The following TCF12 variants were observed in gnomAD, a reference collection of about 807,000 sequenced individuals.
TCF12 encodes DNA-binding protein HTF4.
In TCF12, 45 loss-of-function variants were observed where a neutral mutation model predicts 86.0. The observed-to-expected ratio is 0.52, with a 90% confidence interval of 0.41 to 0.67. The LOEUF is 0.67. Among genes scored for constraint, TCF12 ranks in the 30% least tolerant of loss-of-function variants. The pLI is 0.00. For missense variants in TCF12, 881 were observed against 859.9 expected, an observed-to-expected ratio of 1.02 and a Z score of -0.31; for synonymous variants, 330 against 299.6, an observed-to-expected ratio of 1.10 and a Z score of -1.05.
intron 7 of TCF12, among the ~76,000 whole-genome samples, chr15:57,194,635 C>T (rs972054323): frequency 5.9e-5 from 9 of 152,028 alleles, no homozygotes. Context: ...ATCTAATTAC[C>T]CAATTTATAA....
intron 5 of TCF12, among the ~76,000 whole-genome samples, chr15:57,096,523 A>G (rs1271776301): frequency 6.6e-6 from 1 of 152,120 alleles, no homozygotes; most frequent in African/African-American, 2.4e-5. Flanking sequence ...TCCCTTATAT[A>G]TATATATAAA....
intron 4 of TCF12, among the ~76,000 whole-genome samples, chr15:57,071,282 C>A (rs189350309): frequency 6.6e-6 from 1 of 150,584 alleles, no homozygotes; most frequent in East Asian, 1.9e-4. Context: ...TCTGGTGGTG[C>A]GCACCTGTGG....
chr15:56,988,185 A>G (rs2063283829), intron 3 of TCF12, among the ~76,000 whole-genome samples: 1 of 152,200 alleles, frequency 6.6e-6, no homozygotes, highest in Non-Finnish European at 1.5e-5. Context: ...AAATATAGTC[A>G]TGTGTCACTT....
At chr15:57,061,138 A>G (rs919066324) in intron 3 of TCF12, among the ~76,000 whole-genome samples, 1 of 152,136 alleles carries the variant, frequency 6.6e-6, no homozygotes, top group Admixed American at 6.5e-5. Context: ...ATTTTATTTC[A>G]TTAGTCTTTG....
intron 8 of TCF12, among the ~76,000 whole-genome samples, chr15:57,202,177 A>G (rs1018712818): frequency 1.3e-5 from 2 of 152,166 alleles, no homozygotes; most frequent in Non-Finnish European, 2.9e-5. Context: ...AAAATCACAC[A>G]TAGGGCCAAG....
intron 3 of TCF12, among the ~76,000 whole-genome samples, chr15:57,062,808 A>G (rs192313217): frequency 2.0e-5 from 3 of 152,336 alleles, no homozygotes; most frequent in East Asian, 1.9e-4. Context: ...TTCTCATGAA[A>G]GAATGAAAGA....
chr15:56,952,271 A>G (rs1298421482), intron 3 of TCF12, among the ~76,000 whole-genome samples: 4 of 150,380 alleles, frequency 2.7e-5, no homozygotes, highest in African/African-American at 4.9e-5. Context: ...TTTTTATGTA[A>G]TATCATACTT....
At chr15:57,091,315 T>A (rs1208299188) in intron 4 of TCF12, among the ~76,000 whole-genome samples, 1 of 152,194 alleles carries the variant, frequency 6.6e-6, no homozygotes, top group Non-Finnish European at 1.5e-5. Flanking sequence ...CCTAACGCTT[T>A]ATTTTTAGGG....
chr15:57,208,052 A>G (rs116845702), intron 8 of TCF12, among the ~76,000 whole-genome samples: 5,966 of 148,636 alleles, frequency 0.04, 367 homozygotes, highest in Admixed American at 0.17. Context: ...TTTTTTTTTA[A>G]AGACAGAGTA....
At chr15:57,134,889 T>G (rs940138547) in intron 5 of TCF12, among the ~76,000 whole-genome samples, 5 of 87,108 alleles carry the variant, frequency 5.7e-5, no homozygotes, top group African/African-American at 2.0e-4. Context: ...GTTTTTGTGT[T>G]TTTTTTTTTT....
intron 8 of TCF12, among the ~76,000 whole-genome samples, chr15:57,230,519 A>G (rs1176465521): frequency 3.3e-5 from 5 of 152,048 alleles, no homozygotes; most frequent in Non-Finnish European, 5.9e-5. Flanking sequence ...AGGGTTTATC[A>G]AAGGAAATTA....
chr15:56,949,613 G>A (rs1263485118), intron 3 of TCF12, among the ~76,000 whole-genome samples: 3 of 152,178 alleles, frequency 2.0e-5, no homozygotes, highest in Non-Finnish European at 2.9e-5. Flanking sequence ...AAAGAGTTGA[G>A]CTGTAAGCTT....
At chr15:57,077,517 C>G (rs1238779041) in intron 4 of TCF12, among the ~76,000 whole-genome samples, 1 of 150,498 alleles carries the variant, frequency 6.6e-6, no homozygotes, top group Admixed American at 6.6e-5. Flanking sequence ...CTAAATGTTT[C>G]ATAATTTTTG....
intron 3 of TCF12, among the ~76,000 whole-genome samples, chr15:56,942,911 G>A (rs776862612): frequency 2.0e-5 from 3 of 152,114 alleles, no homozygotes; most frequent in Non-Finnish European, 4.4e-5. Flanking sequence ...GGAAGAAAGT[G>A]TCAAATTTAA....
chr15:57,103,080 A>C (rs1380358712), intron 5 of TCF12, among the ~76,000 whole-genome samples: 1 of 152,200 alleles, frequency 6.6e-6, no homozygotes, highest in Non-Finnish European at 1.5e-5. Flanking sequence ...CTGTCGAGGG[A>C]ATCTATAATG....
At chr15:57,101,439 G>A (rs2049741817) in intron 5 of TCF12, among the ~76,000 whole-genome samples, 1 of 152,136 alleles carries the variant, frequency 6.6e-6, no homozygotes. Context: ...CGAACTCTTA[G>A]GTTCAAGCGA....
At chr15:56,954,635 G>T (rs2061423171) in intron 3 of TCF12, among the ~76,000 whole-genome samples, 2 of 152,074 alleles carry the variant, frequency 1.3e-5, no homozygotes, top group African/African-American at 4.8e-5. Context: ...TGAACAGGCA[G>T]CCTACAAAAT....
chr15:57,262,825 A>T (rs940757811), intron 17 of TCF12, among the ~76,000 whole-genome samples: 3 of 152,208 alleles, frequency 2.0e-5, no homozygotes, highest in Non-Finnish European at 4.4e-5. Flanking sequence ...TCTAAAATAC[A>T]TAGTTTCTCA....
At chr15:56,988,529 A>T (rs557674567) in intron 3 of TCF12, among the ~76,000 whole-genome samples, 10 of 152,152 alleles carry the variant, frequency 6.6e-5, no homozygotes, top group Non-Finnish European at 1.2e-4. Flanking sequence ...CTGTTTAGTG[A>T]CTGTCAACAA....
Sources: gnomAD v4.1 joint callset for allele counts (sites outside exome capture counted in the v4.1 genomes callset) on GRCh38, gnomAD v4.1.1 for gene constraint, MANE v1.5 for transcripts, NCBI Gene and HGNC (gene_info 2026-07-23, HGNC 2026-07-21) for gene names.